The following TRA2A variants were observed in gnomAD, a reference collection of about 807,000 sequenced individuals.
TRA2A encodes the protein transformer-2 protein homolog alpha.
A neutral mutation model predicts 45.7 loss-of-function variants in TRA2A; 31 were observed. That is an observed-to-expected ratio of 0.68 (90% CI 0.51 to 0.92). The LOEUF (loss-of-function observed/expected upper bound fraction) is 0.92, where lower values mean the gene tolerates loss of function less well. Among genes scored for constraint, TRA2A ranks in the 40% least tolerant of loss-of-function variants. The pLI is 0.00. For synonymous variants in TRA2A, 132 were observed against 126.2 expected (o/e 1.05, Z -0.31); for missense variants, 304 against 367.5 (o/e 0.83, Z 1.41).
intron 2 of TRA2A, 59 bp downstream of exon 2, chr7:23,521,648 C>T (rs553078982): frequency 1.3e-6 from 2 of 1,583,058 alleles, no homozygotes; most frequent in South Asian, 1.1e-5. Flanking sequence ...CAGCCAACAA[C>T]TGCTTTGTCC....
At chr7:23,531,196 G>A in intron 1 of TRA2A, 1 of 986,146 alleles carries the variant, frequency 1.0e-6, no homozygotes, top group Non-Finnish European at 1.2e-6. Context: ...CATTAGGCTC[G>A]TCCCACCTTC....
chr7:23,518,631 G>A (rs953643644), intron 2 of TRA2A, among the ~76,000 whole-genome samples: 10 of 148,036 alleles, frequency 6.8e-5, no homozygotes, highest in Admixed American at 1.3e-4. Flanking sequence ...ATGAGCCACC[G>A]TGCCCAGCCC....
At chr7:23,518,718 T>C (rs1790001172) in intron 2 of TRA2A, among the ~76,000 whole-genome samples, 1 of 150,886 alleles carries the variant, frequency 6.6e-6, no homozygotes, top group Admixed American at 6.6e-5. Context: ...AATCTCACTC[T>C]GTCACCCAGA....
chr7:23,505,499 TTAAAAAAAAAAAAAAAAAAAAGAG>T lies in TRA2A; in HGVS notation c.*36_*59del. 3.7e-6 allele frequency: 1 copy of T among 269,612 alleles called. No homozygotes were observed. The allele number at this position is 269,612 out of a possible 1,614,324, so 16.7% of individuals were successfully genotyped here. ...TCCACAGCTTGGGGAAATCTCAGAA[TTAAAAAAAAAAAAAAAAAAAAGAG>T]GAAAAAAAATGTCCTTAATTGCAAC... On this transcript the variant is annotated 3_prime_UTR_variant, in exon 8 of 8. Coordinates refer to ENST00000297071, the MANE Select transcript of TRA2A (RefSeq NM_013293.5).
chr7:23,524,693 A>T (rs562934934), intron 1 of TRA2A, among the ~76,000 whole-genome samples: 1 of 143,044 alleles, frequency 7.0e-6, no homozygotes, highest in Non-Finnish European at 1.5e-5. Context: ...GATTTTAACT[A>T]TTTTTTTTTT....
At chr7:23,508,213 A>G (rs893157196) in intron 4 of TRA2A, among the ~76,000 whole-genome samples, 1 of 150,770 alleles carries the variant, frequency 6.6e-6, no homozygotes, top group African/African-American at 2.4e-5. Context: ...AATAAAAACT[A>G]CACAATTTTT....
At position 23,506,236 on chromosome 7, in the gene TRA2A, G is replaced by A. The variant is rs771328317; in HGVS notation, c.672C>T (p.Gly224=). The A allele has an allele frequency of 7.0e-6, 10 of 1,434,474 alleles. No individual in the cohort carries two copies. Among genetic ancestry groups the A allele is most frequent in the East Asian group, 2.5e-5 (1 of 40,790 alleles). The allele number at this position is 1,434,474 out of a possible 1,614,324, so 88.9% of individuals were successfully genotyped here. A position where few individuals can be genotyped will look rare whatever the true frequency, so the allele number is the denominator to read the frequency against. Residue 224 remains glycine, a synonymous_variant, in exon 6 of 8, where the codon GGC becomes GGT. Transcript: ENST00000297071. ...HSGGGGGGGG[G]GGGGGGGRRR... is the part of the protein sequence containing the mutation. ...GTCTGCCACCACCTCCACCTCCACC[G>A]CCGCCGCCTCCTCCACCACCCCCAC...
At chr7:23,514,200 C>T (rs879720005) in intron 3 of TRA2A, among the ~76,000 whole-genome samples, 4 of 151,502 alleles carry the variant, frequency 2.6e-5, no homozygotes, top group East Asian at 1.9e-4. Context: ...CCCAAGTAGA[C>T]GGGATTACAG....
intron 2 of TRA2A, among the ~76,000 whole-genome samples, chr7:23,517,384 C>T (rs1212940591): frequency 3.5e-5 from 5 of 142,818 alleles, no homozygotes; most frequent in African/African-American, 1.3e-4. Flanking sequence ...GAGGCTGAGG[C>T]AGGAAATGGC....
rs961721534 is a variant in TRA2A at position 23,525,322 on chromosome 7, T to A, written c.37-3482A>T. On this transcript the variant is annotated intron_variant, in intron 1 of 7. Transcript: ENST00000297071. ...GAATTGAAATTGCAAACAAAAAAGA[T>A]TGCTGGGAATGGGTGGTATCTGCCC... Among the ~76,000 whole-genome samples the A allele has an allele frequency of 2.6e-5, 4 of 152,296 alleles. No homozygotes were observed. In the East Asian group the frequency reaches 7.7e-4, roughly 29 times the overall value.
intron 2 of TRA2A, among the ~76,000 whole-genome samples, chr7:23,520,109 G>T (rs201385857): frequency 1.3e-5 from 2 of 152,094 alleles, no homozygotes; most frequent in African/African-American, 4.8e-5. Context: ...CCAGCTACTC[G>T]GGAGGCTGAG....
At chr7:23,510,219 C>T (rs975749932) in intron 4 of TRA2A, among the ~76,000 whole-genome samples, 3 of 152,168 alleles carry the variant, frequency 2.0e-5, no homozygotes, top group Non-Finnish European at 2.9e-5. Flanking sequence ...TGACAAGCCT[C>T]GTCACCCCGC....
At chr7:23,515,085 T>G (rs1337607176) in intron 3 of TRA2A, among the ~76,000 whole-genome samples, 1 of 152,218 alleles carries the variant, frequency 6.6e-6, no homozygotes, top group Non-Finnish European at 1.5e-5. Flanking sequence ...TTAAGTGTAC[T>G]GAATAAAAGT....
At chr7:23,517,503 A>AAAAAAAAAAAAAAAAAAAAAAAAAAG (rs764849438) in intron 2 of TRA2A, among the ~76,000 whole-genome samples, 5 of 116,256 alleles carry the variant, frequency 4.3e-5, no homozygotes, top group East Asian at 3.3e-4. Context: ...AAAAAAAAAA[A>AAAAAAAAAAAAAAAAAAAAAAAAAAG]AGAGAGAAAG....
chr7:23,507,409 T>G lies in TRA2A; in HGVS notation c.641+11A>C. On this transcript the variant is annotated intron_variant, in intron 5 of 7. Transcript: ENST00000297071. ...ATTTCATAGTTTAGCTTAGGAAACT[T>G]GAACTCTTACTGAGTTGGTCTGCCC... The G allele has an allele frequency of 6.2e-7, 1 of 1,602,410 alleles. No homozygotes were observed. Among genetic ancestry groups the G allele is most frequent in the Non-Finnish European group, 8.5e-7 (1 of 1,170,298 alleles).
chr7:23,513,618 T>C (rs1274504798), intron 3 of TRA2A, among the ~76,000 whole-genome samples: 1 of 152,100 alleles, frequency 6.6e-6, no homozygotes, highest in Non-Finnish European at 1.5e-5. Flanking sequence ...TAGAAATGTT[T>C]GTTTCTCGGT....
chr7:23,530,761 G>A (rs1790541274), intron 1 of TRA2A, among the ~76,000 whole-genome samples: 1 of 152,144 alleles, frequency 6.6e-6, no homozygotes, highest in Admixed American at 6.5e-5. Flanking sequence ...GCCCTCTTCG[G>A]TGGGGGATAG....
rs183975425 is a variant in TRA2A, at chr7:23,512,499, C to T, written c.525+395G>A. On this transcript the variant is annotated intron_variant, in intron 4 of 7. Coordinates refer to ENST00000297071, the MANE Select transcript of TRA2A (RefSeq NM_013293.5). The stretch of plus-strand genomic sequence containing the variant: ...TTTGAGACGGAGTCTCACTGTGTCG[C>T]CCAGGCTGGAGTACAGTGGCGCAAT... Among the ~76,000 whole-genome samples, 788 of 152,116 alleles carry T rather than the reference C, an allele frequency of 5.2e-3. 5 individuals carry two copies. Among genetic ancestry groups the T allele is most frequent in the Non-Finnish European group, 5.7e-3 (386 of 67,992 alleles).
intron 5 of TRA2A, 110 bp downstream of exon 5, chr7:23,507,310 C>T: frequency 3.6e-6 from 3 of 830,000 alleles, no homozygotes; most frequent in Non-Finnish European, 5.9e-6. Context: ...GCCATGTTGC[C>T]CCTTGCCAGA....
Sources: allele counts gnomAD v4.1 joint callset (sites outside exome capture counted in the v4.1 genomes callset), GRCh38; gene constraint gnomAD v4.1.1; transcripts MANE v1.5; gene names NCBI Gene and HGNC (gene_info 2026-07-23, HGNC 2026-07-21).